Variants in PTPN22 observed in about 807,000 individuals in gnomAD.
The protein encoded by PTPN22 is tyrosine-protein phosphatase non-receptor type 22.
PTPN22 carries 85 observed loss-of-function variants against 103.3 expected under a neutral mutation model. The observed-to-expected ratio is 0.82, with a 90% CI of 0.69 to 0.99. PTPN22 has a LOEUF of 0.99. Among genes scored for constraint, PTPN22 ranks in the 50% least tolerant of loss-of-function variants. The probability of loss-of-function intolerance (pLI) is 0.00; values close to 1 mark genes in which losing one functional copy is unlikely to be tolerated. For synonymous variants in PTPN22, 323 were observed against 310.2 expected (o/e 1.04, Z -0.43); for missense variants, 865 against 936.9 (o/e 0.92, Z 1.00).
rs1293269696 is a variant in PTPN22, at chr1:113,833,145, G to T, written c.2026-7C>A. The T allele has an allele frequency of 8.4e-6, 13 of 1,541,432 alleles. No individual in the cohort carries two copies. The East Asian group carries it at 2.9e-4, about 35-fold the overall frequency. On this transcript the variant is annotated splice_polypyrimidine_tract_variant and splice_region_variant and intron_variant, in intron 15 of 20. Coordinates refer to ENST00000359785, the Ensembl canonical transcript of PTPN22. ...GACTTCGGAGTTTTACACTCTAAAA[G>T]AAAAAAAGAAAGGAAAAGTGAAAGA...
chr1:113,846,583 T>C (rs570131158), intron 11 of PTPN22, among the ~76,000 whole-genome samples: 1 of 152,344 alleles, frequency 6.6e-6, no homozygotes, highest in South Asian at 2.1e-4. Flanking sequence ...CTTTCTTCCT[T>C]CTTTCATCAT....
chr1:113,816,864 G>A (rs1661195190), intron 20 of PTPN22, among the ~76,000 whole-genome samples: 1 of 152,114 alleles, frequency 6.6e-6, no homozygotes, highest in Non-Finnish European at 1.5e-5. Context: ...AGCTGAGATC[G>A]TGCCACTGCA....
intron 13 of PTPN22, among the ~76,000 whole-genome samples, chr1:113,836,719 G>C (rs555286776): frequency 6.6e-6 from 1 of 151,352 alleles, no homozygotes; most frequent in African/African-American, 2.4e-5. Context: ...CTTGAGGCCA[G>C]ATTTTCAAGA....
chr1:113,832,546 G>C (rs985210289), intron 16 of PTPN22, among the ~76,000 whole-genome samples: 11 of 152,158 alleles, frequency 7.2e-5, no homozygotes, highest in African/African-American at 1.2e-4. Context: ...TGCCATTATA[G>C]CTCACTGCAG....
intron 3 of PTPN22, 63 bp downstream of exon 3, chr1:113,858,939 A>T: frequency 6.4e-7 from 1 of 1,568,138 alleles, no homozygotes; most frequent in Non-Finnish European, 8.7e-7. Context: ...GAGTCCAGCC[A>T]GCCCTCCCCT....
intron 11 of PTPN22, among the ~76,000 whole-genome samples, chr1:113,841,324 A>T (rs552485931): frequency 1.3e-5 from 2 of 152,322 alleles, no homozygotes; most frequent in South Asian, 4.1e-4. Context: ...AAGAAGTAAA[A>T]TGTAAAACTC....
At chr1:113,849,099 T>C (rs1195613569) in intron 10 of PTPN22, among the ~76,000 whole-genome samples, 1 of 152,214 alleles carries the variant, frequency 6.6e-6, no homozygotes, top group Non-Finnish European at 1.5e-5. Flanking sequence ...AATTGCTCTA[T>C]AAAGTAGATA....
chr1:113,868,593 G>T (rs953141635), intron 1 of PTPN22, among the ~76,000 whole-genome samples: 2 of 152,182 alleles, frequency 1.3e-5, no homozygotes, highest in Non-Finnish European at 2.9e-5. Context: ...TGGAGGACAT[G>T]AGTCAGTGAA....
intron 11 of PTPN22, among the ~76,000 whole-genome samples, chr1:113,840,475 A>G (rs1746853): frequency 6.6e-6 from 1 of 151,938 alleles, no homozygotes; most frequent in Admixed American, 6.5e-5. Context: ...AATAGATTTA[A>G]CCAAGGAGGC....
At chr1:113,864,686 A>G (rs1665962228) in intron 1 of PTPN22, among the ~76,000 whole-genome samples, 1 of 151,674 alleles carries the variant, frequency 6.6e-6, no homozygotes, top group Non-Finnish European at 1.5e-5. Flanking sequence ...CAAGGTGGGC[A>G]GATCACGAGG....
chr1:113,866,976 G>A (rs756207661), intron 1 of PTPN22, among the ~76,000 whole-genome samples: 1 of 152,108 alleles, frequency 6.6e-6, no homozygotes, highest in African/African-American at 2.4e-5. Context: ...TGAACTCCTG[G>A]ACTCAAGCCA....
intron 8 of PTPN22, 148 bp downstream of exon 8, chr1:113,854,759 T>C: frequency 8.8e-7 from 1 of 1,138,576 alleles, no homozygotes; most frequent in African/African-American, 1.6e-5. Context: ...CACAAGTAAC[T>C]TATCAGAAAA....
At chr1:113,863,080 G>A (rs1255927940) in intron 1 of PTPN22, among the ~76,000 whole-genome samples, 5 of 152,062 alleles carry the variant, frequency 3.3e-5, no homozygotes, top group Non-Finnish European at 7.4e-5. Flanking sequence ...GGCAAGAAAT[G>A]TGTGTGTTGT....
intron 15 of PTPN22, among the ~76,000 whole-genome samples, 187 bp from the exon 16 acceptor site, chr1:113,833,325 C>T (rs892320167): frequency 1.3e-5 from 2 of 152,128 alleles, no homozygotes; most frequent in East Asian, 3.8e-4. Context: ...CACTCTTACA[C>T]TGATTTTTAT....
At chr1:113,868,118 T>C (rs1195583824) in intron 1 of PTPN22, among the ~76,000 whole-genome samples, 6 of 152,302 alleles carry the variant, frequency 3.9e-5, no homozygotes, top group Admixed American at 6.5e-5. Flanking sequence ...TTTTGATCCA[T>C]AGTTGGTTGA....
chr1:113,869,958 A>G (rs1666440960), intron 1 of PTPN22, among the ~76,000 whole-genome samples: 1 of 152,192 alleles, frequency 6.6e-6, no homozygotes, highest in African/African-American at 2.4e-5. Flanking sequence ...CTGACATCGG[A>G]GTTCCTATCA....
In PTPN22 at chr1:113,858,666, G is replaced by A. The variant is rs975574367; in HGVS notation, c.274-93C>T. 6 of 804,774 alleles carry A rather than the reference G, an allele frequency of 7.5e-6. No individual in the cohort carries two copies. In the African/African-American group the frequency reaches 9.0e-5, roughly 12 times the overall value. 49.9% of individuals were successfully genotyped at this position (804,774 alleles called of 1,614,324 possible). A position where few individuals can be genotyped will look rare whatever the true frequency, so the allele number is the denominator to read the frequency against. ...TCCTTTTTTTTTTTTTTTTGAGATG[G>A]TCTCACTGTGTTACCCAGGCTGGAG... On this transcript the variant is annotated intron_variant, in intron 3 of 20. Transcript: ENST00000359785.
At chr1:113,814,886 T>C in exon 21 of PTPN22, 1 of 1,557,414 alleles carries the variant, frequency 6.4e-7, no homozygotes. Context: ...GCCCATATTA[T>C]TATAAATCTG....
intron 15 of PTPN22, among the ~76,000 whole-genome samples, chr1:113,834,057 A>T (rs1662772202): frequency 6.6e-6 from 1 of 152,214 alleles, no homozygotes; most frequent in Admixed American, 6.5e-5. Flanking sequence ...CATTGATCAC[A>T]TTTGCTTTGT....
Sources: gnomAD v4.1 joint callset for allele counts (sites outside exome capture counted in the v4.1 genomes callset) on GRCh38, gnomAD v4.1.1 for gene constraint, MANE v1.5 for transcripts, NCBI Gene and HGNC (gene_info 2026-07-23, HGNC 2026-07-21) for gene names.